Variants in MYO18B observed in about 807,000 individuals in gnomAD.
MYO18B encodes unconventional myosin-XVIIIb.
Under a neutral mutation model 273.0 loss-of-function variants are expected in MYO18B, and 204 were observed. The ratio of observed to expected loss-of-function variants is 0.75; its 90% CI spans 0.67 to 0.84. The LOEUF is 0.84. MYO18B is among the 40% of genes least tolerant of loss of function. MYO18B has a pLI of 0.00. For synonymous variants in MYO18B, 1,330 were observed against 1,305.7 expected, an observed-to-expected ratio of 1.02 and a Z score of -0.40; for missense variants, 3,212 against 3,287.6, an observed-to-expected ratio of 0.98 and a Z score of 0.56.
rs2093167030 is a variant in MYO18B, at chr22:25,983,187, A to T, written c.6157-9176A>T. On this transcript the variant is annotated intron_variant, in intron 39 of 43. Transcript: ENST00000335473. ...AGTTCAAGGTCAGCCAGGGCAACAT[A>T]GTGAGACCCCATCTCTAAAAAAATG... 3 of 152,158 alleles carry T rather than the reference A, an allele frequency of 2.0e-5. No homozygotes were observed. The South Asian group carries it at 6.2e-4, about 32-fold the overall frequency. 9.4% of individuals were successfully genotyped at this position (152,158 alleles called of 1,614,324 possible). A position where few individuals can be genotyped will look rare whatever the true frequency, so the allele number is the denominator to read the frequency against.
Position 25,893,927 on chromosome 22 carries a change from ACATCCATCCATC to A in MYO18B, c.4544-1213_4544-1202del, listed in dbSNP as rs61392072. 8.6e-5 allele frequency among the ~76,000 whole-genome samples: 13 copies of A among 150,924 alleles called. No individual in the cohort carries two copies. In the South Asian group the frequency reaches 2.5e-3, roughly 29 times the overall value. Reference sequence around the variant, plus strand: ...TGCACCCACTTCTCTGTCTACACTAACATCCATCCATCCATCCATCCATCCATTATTCCACCT... The same window carrying A: ...TGCACCCACTTCTCTGTCTACACTAACATCCATCCATCCATTATTCCACCT... On this transcript the variant is annotated intron_variant, in intron 27 of 43. Coordinates refer to ENST00000335473, the MANE Select transcript of MYO18B (RefSeq NM_032608.7).
At chr22:25,866,840 A>G (rs561390980) in intron 21 of MYO18B, among the ~76,000 whole-genome samples, 1 of 151,590 alleles carries the variant, frequency 6.6e-6, no homozygotes, top group South Asian at 2.1e-4. Context: ...TACAGAAAAC[A>G]CAGGCTCCTC....
chr22:25,852,497 A>C (rs1303929419), intron 21 of MYO18B, among the ~76,000 whole-genome samples: 1 of 152,172 alleles, frequency 6.6e-6, no homozygotes, highest in Non-Finnish European at 1.5e-5. Flanking sequence ...ATGGAATCTC[A>C]TCTCTACTTC....
intron 42 of MYO18B, among the ~76,000 whole-genome samples, chr22:26,017,513 T>C (rs996340176): frequency 6.6e-6 from 1 of 152,214 alleles, no homozygotes; most frequent in Non-Finnish European, 1.5e-5. Flanking sequence ...CGTATCAGTA[T>C]CGCACTTAGG....
At chr22:25,793,426 G>A (rs2087766065) in intron 11 of MYO18B, among the ~76,000 whole-genome samples, 1 of 152,096 alleles carries the variant, frequency 6.6e-6, no homozygotes, top group South Asian at 2.1e-4. Context: ...TTATAGATAC[G>A]AGAGGTCTTG....
chr22:26,036,889 A>G, the MYO18B span, among the ~76,000 whole-genome samples: 698 of 152,326 alleles, frequency 4.6e-3, 2 homozygotes, highest in Non-Finnish European at 8.1e-3. Flanking sequence ...TCAGCGAGTG[A>G]GGAGAGAGAA....
chr22:25,793,514 C>T (rs1248541872), intron 11 of MYO18B, among the ~76,000 whole-genome samples: 2 of 152,150 alleles, frequency 1.3e-5, no homozygotes. Context: ...ACTAGGATGA[C>T]AGGCATGAGC....
At chr22:26,034,715 C>T (rs542986798), downstream of MYO18B, among the ~76,000 whole-genome samples, 1 of 152,242 alleles carries the variant, frequency 6.6e-6, no homozygotes, top group East Asian at 1.9e-4. Context: ...ACCCTGAGGC[C>T]ATTTTTAACA....
intron 39 of MYO18B, among the ~76,000 whole-genome samples, chr22:25,974,341 A>T (rs1192854042): frequency 6.6e-6 from 1 of 152,214 alleles, no homozygotes; most frequent in Non-Finnish European, 1.5e-5. Context: ...ATTAAATTGA[A>T]CCATATGAAT....
chr22:25,746,632 A>G (rs1404773682), intron 1 of MYO18B, among the ~76,000 whole-genome samples: 13 of 152,190 alleles, frequency 8.5e-5, no homozygotes, highest in Admixed American at 8.5e-4. Flanking sequence ...GTCCCACACA[A>G]CTTTCTGCGA....
At chr22:25,777,827 G>A in intron 8 of MYO18B, 46 bp downstream of exon 8, 1 of 1,515,574 alleles carries the variant, frequency 6.6e-7, no homozygotes, top group Non-Finnish European at 8.9e-7. Flanking sequence ...TCAGCACGGG[G>A]AGAGTTGGAA....
intron 11 of MYO18B, among the ~76,000 whole-genome samples, chr22:25,796,048 C>G (rs2087893563): frequency 1.3e-5 from 2 of 152,118 alleles, no homozygotes. Context: ...CTAAGCAGGC[C>G]AAGTGCAAAT....
At chr22:26,021,717 G>A (rs1479431995) in intron 42 of MYO18B, among the ~76,000 whole-genome samples, 1 of 152,210 alleles carries the variant, frequency 6.6e-6, no homozygotes, top group Non-Finnish European at 1.5e-5. Flanking sequence ...GCTAGTGAGT[G>A]GTGAAACCAG....
intron 42 of MYO18B, among the ~76,000 whole-genome samples, chr22:26,012,351 G>A (rs975192665): frequency 4.6e-5 from 7 of 152,252 alleles, no homozygotes; most frequent in Middle Eastern, 6.8e-3. Flanking sequence ...TACTGGTCTC[G>A]GCATTCTTAG....
chr22:25,847,615 G>T lies in MYO18B; in HGVS notation c.3738G>T (p.Gly1246=). 6.4e-7 allele frequency: 1 copy of T among 1,563,282 alleles called. No homozygotes were observed. The highest frequency in any genetic ancestry group is 8.7e-7 in the Non-Finnish European group (1 of 1,154,046). ...DIPALRVQLA[G]FHILEALRLH... ...CAGCACTGAGGGTCCAGCTTGCTGG[G>T]TTCCACATCCTGGAGGCTCTGCGTC... is the stretch of plus-strand genomic sequence containing the variant. Residue 1246 remains glycine (G), a synonymous_variant, in exon 20 of 44, where the codon GGG becomes GGT. Coordinates refer to ENST00000335473, the MANE Select transcript of MYO18B (RefSeq NM_032608.7).
chr22:25,945,076 CTTTA>C (rs2092689148), intron 34 of MYO18B, among the ~76,000 whole-genome samples: 1 of 152,106 alleles, frequency 6.6e-6, no homozygotes, highest in Non-Finnish European at 1.5e-5. Context: ...TGAGAAAGAG[CTTTA>C]TTTAAGTCGG....
At position 25,769,374 on chromosome 22, in the gene MYO18B, C is replaced by G. The variant is rs375798351; in HGVS notation, c.1458C>G (p.Asp486Glu). The G allele has an allele frequency of 5.7e-6, 9 of 1,573,390 alleles. No individual in the cohort carries two copies. The highest frequency in any genetic ancestry group is 7.8e-6 in the Non-Finnish European group (9 of 1,160,122). Residue 486 changes from aspartate to glutamate, a missense_variant, in exon 4 of 44, where the codon GAC becomes GAG. Physicochemically the swap from Asp to Glu is conservative, Grantham distance 45 (BLOSUM62 2). Transcript: ENST00000335473. ...ERPRIRKENQ[D>E]GPAPQEEGKG... ...CTCGGATACGGAAGGAGAACCAAGA[C>G]GGGCCAGCCCCGCAGGAGGAGGGCA... is the stretch of plus-strand genomic sequence containing the variant.
intron 22 of MYO18B, among the ~76,000 whole-genome samples, chr22:25,870,129 C>T (rs552482035): frequency 5.9e-5 from 9 of 152,350 alleles, no homozygotes; most frequent in East Asian, 3.9e-4. Flanking sequence ...TCAGACTCCA[C>T]GCAAACCTGC....
intron 39 of MYO18B, chr22:25,964,229 G>C (rs571252836): frequency 3.9e-5 from 6 of 152,802 alleles, no homozygotes; most frequent in Admixed American, 3.3e-4. Flanking sequence ...CAACCCTGGC[G>C]ATCAACAGGG....
Sources: allele counts gnomAD v4.1 joint callset (sites outside exome capture counted in the v4.1 genomes callset), GRCh38; gene constraint gnomAD v4.1.1; transcripts MANE v1.5; gene names NCBI Gene and HGNC (gene_info 2026-07-23, HGNC 2026-07-21).